The following DYSF variants were observed in gnomAD, a reference collection of about 807,000 sequenced individuals.
The protein encoded by DYSF is dysferlin.
DYSF carries 212 observed loss-of-function variants against 274.9 expected under a neutral mutation model. That is an observed-to-expected ratio of 0.77 (90% CI 0.69 to 0.86). The LOEUF is 0.86. Among genes scored for constraint, DYSF ranks in the 40% least tolerant of loss-of-function variants. The probability of loss-of-function intolerance (pLI) is 0.00; values close to 1 mark genes in which losing one functional copy is unlikely to be tolerated. For missense variants in DYSF, 2,666 were observed against 2,783.2 expected, an observed-to-expected ratio of 0.96 and a Z score of 0.95; for synonymous variants, 1,091 against 1,078.7, an observed-to-expected ratio of 1.01 and a Z score of -0.22.
At chr2:71,614,268 T>C (rs1457629276) in intron 40 of DYSF, among the ~76,000 whole-genome samples, 1 of 152,198 alleles carries the variant, frequency 6.6e-6, no homozygotes, top group Non-Finnish European at 1.5e-5. Flanking sequence ...ATACTGGTCA[T>C]ACCCCTGGCA....
chr2:71,457,817 A>G (rs2081130339), intron 1 of DYSF, among the ~76,000 whole-genome samples: 1 of 152,222 alleles, frequency 6.6e-6, no homozygotes, highest in Non-Finnish European at 1.5e-5. Context: ...AGCCAAGGCC[A>G]GGGCAATGGT....
chr2:71,593,021 A>G (rs926668280), intron 32 of DYSF, among the ~76,000 whole-genome samples: 2 of 151,944 alleles, frequency 1.3e-5, no homozygotes, highest in African/African-American at 2.4e-5. Flanking sequence ...TCTCTGGACC[A>G]GTGGAAGGGC....
chr2:71,479,556 C>T (rs1471087453), intron 1 of DYSF, among the ~76,000 whole-genome samples: 1 of 152,208 alleles, frequency 6.6e-6, no homozygotes, highest in Non-Finnish European at 1.5e-5. Context: ...ACGGCTCTTC[C>T]ATGGAAATGA....
intron 47 of DYSF, 75 bp from the exon 48 acceptor site, chr2:71,667,301 G>A: frequency 1.9e-6 from 3 of 1,607,938 alleles, no homozygotes; most frequent in Non-Finnish European, 2.6e-6. Flanking sequence ...GCCCTGCTCA[G>A]CCTGTTCACT....
At chr2:71,509,439 G>T (rs1318476475) in intron 4 of DYSF, among the ~76,000 whole-genome samples, 2 of 152,198 alleles carry the variant, frequency 1.3e-5, no homozygotes, top group Non-Finnish European at 2.9e-5. Flanking sequence ...TGGGATTATA[G>T]TTGTGAGCCA....
chr2:71,648,851 A>T (rs1312500315), intron 42 of DYSF, among the ~76,000 whole-genome samples: 1 of 152,180 alleles, frequency 6.6e-6, no homozygotes, highest in Non-Finnish European at 1.5e-5. Flanking sequence ...TAACACACTG[A>T]TATAAGATCA....
At position 71,656,285 on chromosome 2, in the gene DYSF, T is replaced by C. The variant is rs546455805; in HGVS notation, c.4750T>C (p.Phe1584Leu). ...ETEDPSVIGE[F>L]KGLFKIYPLP... ...AGAAGATCCATCTGTGATTGGTGAATTTAAGGTAAATCCTCGAAGACGTCC... is the reference window on the plus strand; with the variant it reads ...AGAAGATCCATCTGTGATTGGTGAACTTAAGGTAAATCCTCGAAGACGTCC... Residue 1584 changes from phenylalanine (F) to leucine (L), a missense_variant, in exon 43 of 56, where the codon TTT becomes CTT. This residue lies in a region of DYSF where 1,460 missense variants were observed against 1,502.1 expected (regional missense o/e 0.97). Transcript: ENST00000410020. The C allele has an allele frequency of 2.5e-6, 4 of 1,614,116 alleles. No homozygotes were observed. Among genetic ancestry groups the C allele is most frequent in the Non-Finnish European group, 3.4e-6 (4 of 1,180,026 alleles).
intron 30 of DYSF, among the ~76,000 whole-genome samples, chr2:71,579,606 G>A (rs557448656): frequency 1.3e-5 from 2 of 152,226 alleles, no homozygotes; most frequent in South Asian, 2.1e-4. Context: ...GGCTTTATAT[G>A]CGTCATCTCA....
Position 71,570,675 on chromosome 2 carries a change from A to G in DYSF, c.3162A>G (p.Thr1054=), listed in dbSNP as rs1217132164. 2 of 1,614,078 alleles carry G rather than the reference A, an allele frequency of 1.2e-6. No homozygotes were observed. Among genetic ancestry groups the G allele is most frequent in the Non-Finnish European group, 1.7e-6 (2 of 1,179,976 alleles). The change falls in exon 29 of 56, where the codon ACA becomes ACG. Residue 1054 remains threonine (T), a synonymous_variant. Transcript: ENST00000410020. Reference sequence around the variant, plus strand: ...TCCCTGCTGAGAAGATGTACTACACACACCGACGGCGGCGCTGGGTGCGCC... The same window carrying G: ...TCCCTGCTGAGAAGATGTACTACACGCACCGACGGCGGCGCTGGGTGCGCC... ...HWVPAEKMYY[T]HRRRRWVRLR...
chr2:71,620,846 C>G (rs1310844412), intron 41 of DYSF, among the ~76,000 whole-genome samples: 1 of 151,986 alleles, frequency 6.6e-6, no homozygotes, highest in Non-Finnish European at 1.5e-5. Flanking sequence ...ACCTTATTTA[C>G]CTGTGTGAGG....
intron 24 of DYSF, among the ~76,000 whole-genome samples, chr2:71,565,289 C>T (rs2092021456): frequency 6.8e-6 from 1 of 147,374 alleles, no homozygotes; most frequent in Admixed American, 6.8e-5. Flanking sequence ...TGGGGTTTCA[C>T]CATGTTGGCC....
chr2:71,532,228 C>T (rs2088812623), intron 14 of DYSF, among the ~76,000 whole-genome samples: 1 of 152,158 alleles, frequency 6.6e-6, no homozygotes, highest in Non-Finnish European at 1.5e-5. Context: ...TTATAAACAA[C>T]ATTGTGACAA....
intron 13 of DYSF, among the ~76,000 whole-genome samples, chr2:71,526,593 A>G (rs2087950443): frequency 6.6e-6 from 1 of 152,166 alleles, no homozygotes; most frequent in Non-Finnish European, 1.5e-5. Context: ...ATATTTGGCC[A>G]CTCTGTGGAC....
chr2:71,501,914 G>A (rs2085011049), intron 3 of DYSF, among the ~76,000 whole-genome samples: 1 of 152,140 alleles, frequency 6.6e-6, no homozygotes, highest in Non-Finnish European at 1.5e-5. Context: ...TATATAACTA[G>A]AAGTGGAATT....
chr2:71,674,133 A>C, intron 51 of DYSF, 64 bp from the exon 52 acceptor site: 1 of 1,498,794 alleles, frequency 6.7e-7, no homozygotes, highest in Non-Finnish European at 9.3e-7. Context: ...CCAGGCTGGA[A>C]GGGAACACTG....
rs2094791020 is a variant in DYSF at position 71,657,171 on chromosome 2, A to AT, written c.4755+881_4755+882insT. ...CAAATGGGAGAAATTGGCCAAAACC[A>AT]AAAGGTTACAGGGCTCATGCAAGTC... On this transcript the variant is annotated intron_variant, in intron 43 of 55. Coordinates refer to ENST00000410020, the MANE Select transcript of DYSF (RefSeq NM_001130987.2). Among the ~76,000 whole-genome samples, 3 of 152,340 alleles carry AT rather than the reference A, an allele frequency of 2.0e-5. No homozygotes were observed. In the South Asian group the frequency reaches 6.2e-4, roughly 32 times the overall value.
intron 42 of DYSF, among the ~76,000 whole-genome samples, chr2:71,652,435 T>A (rs755803139): frequency 1.3e-5 from 2 of 152,172 alleles, no homozygotes; most frequent in African/African-American, 2.4e-5. Context: ...CAGCAACTAT[T>A]TAGAAAATCT....
At chr2:71,582,850 C>T (rs2092939919) in intron 30 of DYSF, among the ~76,000 whole-genome samples, 1 of 151,822 alleles carries the variant, frequency 6.6e-6, no homozygotes, top group African/African-American at 2.4e-5. Flanking sequence ...TGGAAGCAGC[C>T]TCAGGAGCAG....
rs557209399 is a variant in DYSF at position 71,679,996 on chromosome 2, C to T, written c.6063+761C>T. ...GACCCCCAGGGGATGCCTGAAACTA[C>T]AGATAGTACTAAACCCGTATTATGT... On this transcript the variant is annotated intron_variant, in intron 53 of 55. Coordinates refer to ENST00000410020, the MANE Select transcript of DYSF (RefSeq NM_001130987.2). Among the ~76,000 whole-genome samples the T allele has an allele frequency of 2.6e-5, 4 of 152,108 alleles. No homozygotes were observed. The South Asian group carries it at 8.3e-4, about 32-fold the overall frequency.
Sources: allele counts gnomAD v4.1 joint callset (sites outside exome capture counted in the v4.1 genomes callset), GRCh38; gene constraint gnomAD v4.1.1; regional missense constraint gnomAD v4.1.1; transcripts MANE v1.5; gene names NCBI Gene and HGNC (gene_info 2026-07-23, HGNC 2026-07-21).